The following LRRC26 variants were observed in gnomAD, a reference collection of about 807,000 sequenced individuals.
The protein encoded by LRRC26 is leucine rich repeat containing 26, also known as leucine-rich repeat-containing protein 26.
LRRC26 carries 17 observed loss-of-function variants against 15.3 expected under a neutral mutation model. The ratio of observed to expected loss-of-function variants is 1.11; its 90% CI spans 0.76 to 1.66. The LOEUF is 1.66. LRRC26 is among the 40% of genes most tolerant of loss of function. LRRC26 has a pLI of 0.00. For missense variants in LRRC26, 573 were observed against 501.0 expected, an observed-to-expected ratio of 1.14 and a Z score of -1.37; for synonymous variants, 301 against 272.1, an observed-to-expected ratio of 1.11 and a Z score of -1.05.
Position 137,169,604 on chromosome 9 carries a change from C to G in LRRC26, c.340G>C (p.Ala114Pro). 1 of 1,523,878 alleles carries G rather than the reference C, an allele frequency of 6.6e-7. No individual in the cohort carries two copies. Among genetic ancestry groups the G allele is most frequent in the Non-Finnish European group, 8.8e-7 (1 of 1,141,810 alleles). 94.4% of individuals were successfully genotyped at this position (1,523,878 alleles called of 1,614,324 possible). A position where few individuals can be genotyped will look rare whatever the true frequency, so the allele number is the denominator to read the frequency against. ...ENGLHSVHVR[A>P]FWGLGALQLL... ...TGCAGCGCGCCCAGGCCCCAGAAGG[C>G]TCGCACATGCACCGAGTGCAGCCCG... Residue 114 changes from alanine (A) to proline (P), a missense_variant, in exon 1 of 2, where the codon GCC becomes CCC. Coordinates refer to ENST00000371542, the MANE Select transcript of LRRC26 (RefSeq NM_001013653.3).
rs1419751882 is a variant in LRRC26, at chr9:137,169,449, C to G, written c.495G>C (p.Ala165=). The G allele has an allele frequency of 6.6e-7, 1 of 1,513,084 alleles. No homozygotes were observed. The highest frequency in any genetic ancestry group is 1.2e-5 in the South Asian group (1 of 81,538). The allele number at this position is 1,513,084 out of a possible 1,614,324, so 93.7% of individuals were successfully genotyped here. Residue 165 remains alanine (A), a synonymous_variant, in exon 1 of 2, where the codon GCG becomes GCC. Transcript: ENST00000371542. The stretch of plus-strand genomic sequence containing the variant: ...GGCTGAGTGAGCGCAGCAGCGGGAG[C>G]GCGCCTAGCGCCGCGGGCTCCAGGC... ...LARLEPAALG[A]LPLLRSLSLQ... is the part of the protein sequence containing the mutation.
Position 137,168,785 on chromosome 9 carries a change from C to A in LRRC26, c.*69G>T. The A allele has an allele frequency of 1.8e-6, 2 of 1,121,724 alleles. No homozygotes were observed. The highest frequency in any genetic ancestry group is 1.1e-6 in the Non-Finnish European group (1 of 893,816). The allele number at this position is 1,121,724 out of a possible 1,614,324, so 69.5% of individuals were successfully genotyped here. On this transcript the variant is annotated 3_prime_UTR_variant, in exon 2 of 2. Coordinates refer to ENST00000371542, the MANE Select transcript of LRRC26 (RefSeq NM_001013653.3). ...TTCGGTCTGTGTCGCTTGTTGACGC[C>A]GGCAGACAGTGTAAAGGGAGGGCAA...
chr9:137,169,306 CAG>C lies in LRRC26; in HGVS notation c.636_637del (p.Cys213ArgfsTer38). The C allele has an allele frequency of 7.1e-7, 1 of 1,417,884 alleles. No individual in the cohort carries two copies. The highest frequency in any genetic ancestry group is 1.5e-5 in the South Asian group (1 of 68,744). 87.8% of individuals were successfully genotyped at this position (1,417,884 alleles called of 1,614,324 possible). ...CAGCGGGTGCCGGCGCAGCCAGGCG[CAG>C]AGCGGGCGCAGCGCGCACCCGCAGC... is the stretch of plus-strand genomic sequence containing the variant. On this transcript the variant is annotated frameshift_variant, in exon 1 of 2. Coordinates refer to ENST00000371542, the MANE Select transcript of LRRC26 (RefSeq NM_001013653.3). LOFTEE classifies it low-confidence loss of function (END_TRUNC).
In LRRC26 at chr9:137,169,304, C is replaced by A. The variant is rs1315256399; in HGVS notation, c.640G>T (p.Ala214Ser). ...GCGCALRPLC[A>S]WLRRHPLPAS... The stretch of plus-strand genomic sequence containing the variant: ...GGCAGCGGGTGCCGGCGCAGCCAGG[C>A]GCAGAGCGGGCGCAGCGCGCACCCG... The change falls in exon 1 of 2, where the codon GCC becomes TCC. Residue 214 changes from alanine to serine, a missense_variant. Physicochemically the swap from Ala to Ser is moderately conservative, Grantham distance 99. Coordinates refer to ENST00000371542, the MANE Select transcript of LRRC26 (RefSeq NM_001013653.3). The A allele has an allele frequency of 7.1e-7, 1 of 1,416,540 alleles. No homozygotes were observed. The highest frequency in any genetic ancestry group is 9.2e-7 in the Non-Finnish European group (1 of 1,092,758). The allele number at this position is 1,416,540 out of a possible 1,614,324, so 87.7% of individuals were successfully genotyped here. A position where few individuals can be genotyped will look rare whatever the true frequency, so the allele number is the denominator to read the frequency against.
In LRRC26 at chr9:137,169,933, G is replaced by A. The variant is rs766915872; in HGVS notation, c.11C>T (p.Pro4Leu). The A allele has an allele frequency of 4.8e-6, 7 of 1,454,366 alleles. No individual in the cohort carries two copies. The South Asian group carries it at 6.8e-5, about 14-fold the overall frequency. 90.1% of individuals were successfully genotyped at this position (1,454,366 alleles called of 1,614,324 possible). A position where few individuals can be genotyped will look rare whatever the true frequency, so the allele number is the denominator to read the frequency against. The change falls in exon 1 of 2, where the codon CCT (proline) becomes CTT (leucine). Residue 4 changes from proline to leucine, a missense_variant. Physicochemically the swap from Pro to Leu is moderately conservative, Grantham distance 98. Transcript: ENST00000371542. ...CAGCGGCCGAGGCCGCGACCAGGAA[G>A]GGCCCCGCATGGGGGCAGCCCCCCC... MRGPSWSRPRPLLL... is the reference protein window; with the variant it reads MRGLSWSRPRPLLL...
At position 137,168,846 on chromosome 9, in the gene LRRC26, G is replaced by A. The variant is rs1271666145; in HGVS notation, c.*8C>T. The A allele has an allele frequency of 2.7e-5, 33 of 1,234,278 alleles. No individual in the cohort carries two copies. The highest frequency in any genetic ancestry group is 3.3e-5 in the Non-Finnish European group (33 of 991,014). The allele number at this position is 1,234,278 out of a possible 1,614,324, so 76.5% of individuals were successfully genotyped here. A position where few individuals can be genotyped will look rare whatever the true frequency, so the allele number is the denominator to read the frequency against. ...GAAGCTTCGAGCGCTCCAGGCGGCC[G>A]CGGCCGCTCAGGCTTGGGCGGCAGC... On this transcript the variant is annotated 3_prime_UTR_variant, in exon 2 of 2. Coordinates refer to ENST00000371542, the MANE Select transcript of LRRC26 (RefSeq NM_001013653.3).
chr9:137,169,128 GCAGT>G lies in LRRC26; in HGVS notation c.727_730del (p.Thr243ProfsTer?), dbSNP rs781054999. 1.7e-5 allele frequency: 27 copies of G among 1,559,222 alleles called. No homozygotes were observed. The highest frequency in any genetic ancestry group is 3.7e-5 in the Admixed American group (2 of 54,358). ...ATGGCTAAAGGCGGCGTCGGAAAAGGCAGTCAGGGGGCTGAGCGTCAGGCGTCCC... is the reference window on the plus strand; with the variant it reads ...ATGGCTAAAGGCGGCGTCGGAAAAGGCAGGGGGCTGAGCGTCAGGCGTCCC... On this transcript the variant is annotated frameshift_variant, in exon 2 of 2. Transcript: ENST00000371542. LOFTEE classifies it low-confidence loss of function (END_TRUNC).
rs1834021020 is a variant in LRRC26 at position 137,168,997 on chromosome 9, T to TGAGCCCA, written c.855_861dup (p.Thr288TrpfsTer?). ...CGGCGGCGGCGCGCACGGCAGGCGG[T>TGAGCCCA]GAGCCCAGAGCCCAGCGCCAGGCAG... On this transcript the variant is annotated frameshift_variant, in exon 2 of 2. Coordinates refer to ENST00000371542, the MANE Select transcript of LRRC26 (RefSeq NM_001013653.3). LOFTEE classifies it low-confidence loss of function (END_TRUNC). 1 of 1,463,772 alleles carries TGAGCCCA rather than the reference T, an allele frequency of 6.8e-7. No homozygotes were observed. The highest frequency in any genetic ancestry group is 9.0e-7 in the Non-Finnish European group (1 of 1,113,262). 90.7% of individuals were successfully genotyped at this position (1,463,772 alleles called of 1,614,324 possible).
chr9:137,169,251 C>T lies in LRRC26; in HGVS notation c.673+20G>A. The T allele has an allele frequency of 7.3e-7, 1 of 1,372,938 alleles. No homozygotes were observed. Among genetic ancestry groups the T allele is most frequent in the Non-Finnish European group, 9.3e-7 (1 of 1,071,490 alleles). 85.0% of individuals were successfully genotyped at this position (1,372,938 alleles called of 1,614,324 possible). On this transcript the variant is annotated intron_variant, in intron 1 of 1. Transcript: ENST00000371542. ...GCCGCACCGCCCTGCAGACCCCGAC[C>T]CGCGTCCCCAGCAGCTCACCTGACG...
In LRRC26 at chr9:137,169,332, G is replaced by T. The variant is rs937862160; in HGVS notation, c.612C>A (p.Gly204=). 6.9e-6 allele frequency: 10 copies of T among 1,453,794 alleles called. No homozygotes were observed. The African/African-American group carries it at 1.5e-4, about 22-fold the overall frequency. 90.1% of individuals were successfully genotyped at this position (1,453,794 alleles called of 1,614,324 possible). A position where few individuals can be genotyped will look rare whatever the true frequency, so the allele number is the denominator to read the frequency against. ...AGAGCGGGCGCAGCGCGCACCCGCA[G>T]CCCCAAGGGTTGCCGCGCAGGTGCA... ...DALHLRGNPW[G]CGCALRPLCA... is the part of the protein sequence containing the mutation. The change falls in exon 1 of 2, where the codon GGC becomes GGA. Residue 204 remains glycine (G), a synonymous_variant. Coordinates refer to ENST00000371542, the MANE Select transcript of LRRC26 (RefSeq NM_001013653.3).
In LRRC26 at chr9:137,168,969, A is replaced by AGGCGGC; in HGVS notation, c.884_889dup (p.Arg295_Arg296dup). The AGGCGGC allele has an allele frequency of 1.4e-6, 2 of 1,421,306 alleles. No individual in the cohort carries two copies. Among genetic ancestry groups the AGGCGGC allele is most frequent in the Non-Finnish European group, 1.8e-6 (2 of 1,094,092 alleles). 88.0% of individuals were successfully genotyped at this position (1,421,306 alleles called of 1,614,324 possible). A position where few individuals can be genotyped will look rare whatever the true frequency, so the allele number is the denominator to read the frequency against. On this transcript the variant is annotated inframe_insertion, in exon 2 of 2. Coordinates refer to ENST00000371542, the MANE Select transcript of LRRC26 (RefSeq NM_001013653.3). ...CGGCGGGCGGAGGGCGGCGGTGCGGAGGCGGCGGCGGCGCGCACGGCAGGC... is the reference window on the plus strand; with the variant it reads ...CGGCGGGCGGAGGGCGGCGGTGCGGAGGCGGCGGCGGCGGCGGCGCGCACGGCAGGC...
rs568070160 is a variant in LRRC26, at chr9:137,169,958, C to G, written c.-15G>C. The G allele has an allele frequency of 5.9e-5, 83 of 1,402,698 alleles. No homozygotes were observed. The East Asian group carries it at 1.1e-3, about 18-fold the overall frequency. 86.9% of individuals were successfully genotyped at this position (1,402,698 alleles called of 1,614,324 possible). On this transcript the variant is annotated 5_prime_UTR_variant, in exon 1 of 2. Transcript: ENST00000371542. ...GGGCCCCGCATGGGGGCAGCCCCCC[C>G]GCCCCCGGCACCCGCGGTGGGAGGC...
In LRRC26 at chr9:137,169,291, C is replaced by T. The variant is rs1389646153; in HGVS notation, c.653G>A (p.Arg218Gln). 5.8e-6 allele frequency: 8 copies of T among 1,386,730 alleles called. No individual in the cohort carries two copies. Among genetic ancestry groups the T allele is most frequent in the Non-Finnish European group, 7.4e-6 (8 of 1,078,042 alleles). 85.9% of individuals were successfully genotyped at this position (1,386,730 alleles called of 1,614,324 possible). The change falls in exon 1 of 2, where the codon CGG becomes CAG. Residue 218 changes from arginine (R) to glutamine (Q), a missense_variant. Transcript: ENST00000371542. ...CTCACCTGACGCGGGCAGCGGGTGC[C>T]GGCGCAGCCAGGCGCAGAGCGGGCG... The part of the protein sequence containing the change: ...ALRPLCAWLR[R>Q]HPLPASEAET...
Position 137,168,969 on chromosome 9 carries a change from A to C in LRRC26, c.890T>G (p.Leu297Arg), listed in dbSNP as rs1564370408. ...LTACRARRRR[L>R]RTAALRPPRP... ...CGGCGGGCGGAGGGCGGCGGTGCGG[A>C]GGCGGCGGCGGCGCGCACGGCAGGC... Residue 297 changes from leucine (L) to arginine (R), a missense_variant, in exon 2 of 2, where the codon CTC becomes CGC. Physicochemically the swap from Leu to Arg is moderately radical, Grantham distance 102. Transcript: ENST00000371542. 2 of 1,421,308 alleles carry C rather than the reference A, an allele frequency of 1.4e-6. No individual in the cohort carries two copies. Among genetic ancestry groups the C allele is most frequent in the Non-Finnish European group, 1.8e-6 (2 of 1,094,092 alleles). 88.0% of individuals were successfully genotyped at this position (1,421,308 alleles called of 1,614,324 possible). A position where few individuals can be genotyped will look rare whatever the true frequency, so the allele number is the denominator to read the frequency against.
Position 137,169,393 on chromosome 9 carries a change from G to T in LRRC26, c.551C>A (p.Pro184Gln). Reference protein sequence around the residue: ...LQDNELAALAPGLLGRLPALD... With the variant: ...LQDNELAALAQGLLGRLPALD... ...AGCGGGCAGGCGGCCCAGCAGCCCC[G>T]GCGCGAGTGCCGCCAGCTCGTTGTC... The change falls in exon 1 of 2, where the codon CCG becomes CAG. Residue 184 changes from proline to glutamine, a missense_variant. Coordinates refer to ENST00000371542, the MANE Select transcript of LRRC26 (RefSeq NM_001013653.3). 1 of 1,501,484 alleles carries T rather than the reference G, an allele frequency of 6.7e-7. No homozygotes were observed. The highest frequency in any genetic ancestry group is 8.8e-7 in the Non-Finnish European group (1 of 1,134,508). 93.0% of individuals were successfully genotyped at this position (1,501,484 alleles called of 1,614,324 possible). A position where few individuals can be genotyped will look rare whatever the true frequency, so the allele number is the denominator to read the frequency against.
rs1295708203 is a variant in LRRC26 at position 137,168,857 on chromosome 9, G to A, written c.1002C>T (p.Ala334=). 3.2e-6 allele frequency: 4 copies of A among 1,248,348 alleles called. No individual in the cohort carries two copies. The African/African-American group carries it at 4.7e-5, about 15-fold the overall frequency. 77.3% of individuals were successfully genotyped at this position (1,248,348 alleles called of 1,614,324 possible). The part of the protein sequence containing the change: ...DPGSPAAAAQ[A] ...CGCTCCAGGCGGCCGCGGCCGCTCA[G>A]GCTTGGGCGGCAGCGGCGGGGCTCC... The change falls in exon 2 of 2, where the codon GCC becomes GCT. Residue 334 remains alanine, a synonymous_variant. Transcript: ENST00000371542.
Position 137,169,344 on chromosome 9 carries a change from G to A in LRRC26, c.600C>T (p.Gly200=). Reference sequence around the variant, plus strand: ...GCGCGCACCCGCAGCCCCAAGGGTTGCCGCGCAGGTGCAGCGCGTCTAGAG... The same window carrying A: ...GCGCGCACCCGCAGCCCCAAGGGTTACCGCGCAGGTGCAGCGCGTCTAGAG... ...LPALDALHLR[G]NPWGCGCALR... Residue 200 remains glycine, a synonymous_variant, in exon 1 of 2, where the codon GGC becomes GGT. Coordinates refer to ENST00000371542, the MANE Select transcript of LRRC26 (RefSeq NM_001013653.3). The A allele has an allele frequency of 6.8e-7, 1 of 1,460,104 alleles. No homozygotes were observed. Among genetic ancestry groups the A allele is most frequent in the Admixed American group, 2.7e-5 (1 of 37,222 alleles). 90.4% of individuals were successfully genotyped at this position (1,460,104 alleles called of 1,614,324 possible).
rs1486954523 is a variant in LRRC26, at chr9:137,169,626, C to T, written c.318G>A (p.Gly106=). 2.0e-6 allele frequency: 3 copies of T among 1,515,610 alleles called. No individual in the cohort carries two copies. The highest frequency in any genetic ancestry group is 2.6e-6 in the Non-Finnish European group (3 of 1,138,368). 93.9% of individuals were successfully genotyped at this position (1,515,610 alleles called of 1,614,324 possible). The change falls in exon 1 of 2, where the codon GGG becomes GGA. Residue 106 remains glycine (G), a synonymous_variant. Coordinates refer to ENST00000371542, the MANE Select transcript of LRRC26 (RefSeq NM_001013653.3). ...ALQRLDLREN[G]LHSVHVRAFW... is the part of the protein sequence containing the mutation. ...AGGCTCGCACATGCACCGAGTGCAG[C>T]CCGTTCTCGCGCAGGTCCAGGCGCT...
Position 137,169,316 on chromosome 9 carries a change from G to A in LRRC26, c.628C>T (p.Arg210Cys). The change falls in exon 1 of 2, where the codon CGC (arginine) becomes TGC (cysteine). Residue 210 changes from arginine to cysteine, a missense_variant. Transcript: ENST00000371542. ...CGGCGCAGCCAGGCGCAGAGCGGGC[G>A]CAGCGCGCACCCGCAGCCCCAAGGG... ...GNPWGCGCAL[R>C]PLCAWLRRHP... 1 of 1,428,208 alleles carries A rather than the reference G, an allele frequency of 7.0e-7. No homozygotes were observed. Among genetic ancestry groups the A allele is most frequent in the Non-Finnish European group, 9.1e-7 (1 of 1,098,348 alleles). 88.5% of individuals were successfully genotyped at this position (1,428,208 alleles called of 1,614,324 possible). A position where few individuals can be genotyped will look rare whatever the true frequency, so the allele number is the denominator to read the frequency against.
Sources: gnomAD v4.1 joint callset for allele counts on GRCh38, gnomAD v4.1.1 for gene constraint, MANE v1.5 for transcripts, NCBI Gene and HGNC (gene_info 2026-07-23, HGNC 2026-07-21) for gene names.